The following RGS6 variants were observed in gnomAD, a reference collection of about 807,000 sequenced individuals.
The protein encoded by RGS6 is regulator of G-protein signaling 6.
RGS6 carries 30 observed loss-of-function variants against 78.5 expected under a neutral mutation model. The observed-to-expected ratio is 0.38, with a 90% CI of 0.29 to 0.52. The LOEUF is 0.52. Ranked by LOEUF, RGS6 falls within the 20% of genes least tolerant of loss-of-function variation. The probability of loss-of-function intolerance (pLI) is 0.85; values close to 1 mark genes in which losing one functional copy is unlikely to be tolerated. For synonymous variants in RGS6, 206 were observed against 206.0 expected, an observed-to-expected ratio of 1.00 and a Z score of 0.00; for missense variants, 495 against 609.7, an observed-to-expected ratio of 0.81 and a Z score of 1.98.
At chr14:71,874,547 G>C in the RGS6 span, among the ~76,000 whole-genome samples, 2 of 152,294 alleles carry the variant, frequency 1.3e-5, no homozygotes, top group South Asian at 4.1e-4. Flanking sequence ...TTTGGGCTGA[G>C]AAAATGGGAT....
In RGS6 at chr14:72,266,307, AG is replaced by A. The variant is rs544672092; in HGVS notation, c.85-85787del. On this transcript the variant is annotated intron_variant, in intron 2 of 17. Coordinates refer to ENST00000553525, the MANE Select transcript of RGS6 (RefSeq NM_001204424.2). ...CAAAGTAGTCAGACCTCTTTCAGGTAGCTGGCTTCCACAAGAGTGAGCATTT... is the reference window on the plus strand; with the variant it reads ...CAAAGTAGTCAGACCTCTTTCAGGTACTGGCTTCCACAAGAGTGAGCATTT... Among the ~76,000 whole-genome samples, 18 of 152,262 alleles carry A rather than the reference AG, an allele frequency of 1.2e-4. No homozygotes were observed. In the South Asian group the frequency reaches 3.5e-3, roughly 30 times the overall value.
chr14:72,357,092 G>C (rs1312201128), intron 3 of RGS6, among the ~76,000 whole-genome samples: 1 of 152,038 alleles, frequency 6.6e-6, no homozygotes, highest in African/African-American at 2.4e-5. Flanking sequence ...CCAACATGGT[G>C]AAGCCCTGTC....
At chr14:72,569,537 C>T (rs527915068), downstream of RGS6, among the ~76,000 whole-genome samples, 156 of 151,978 alleles carry the variant, frequency 1.0e-3, 1 homozygote, top group Middle Eastern at 3.2e-3. Flanking sequence ...AAAATTAGCT[C>T]GGCGTGGTGG....
the RGS6 span, among the ~76,000 whole-genome samples, chr14:72,572,934 G>A: frequency 4.0e-4 from 61 of 152,120 alleles, 1 homozygote; most frequent in African/African-American, 1.4e-3. Context: ...AAAAGAGAGG[G>A]AGGGAAGGAG....
At chr14:72,095,896 A>G (rs1156508771) in intron 2 of RGS6, among the ~76,000 whole-genome samples, 5 of 152,268 alleles carry the variant, frequency 3.3e-5, no homozygotes, top group Admixed American at 2.6e-4. Context: ...CATAAAAAGT[A>G]TCAGTGGGGA....
chr14:72,269,562 C>G (rs1049977505), intron 2 of RGS6, among the ~76,000 whole-genome samples: 6 of 122,612 alleles, frequency 4.9e-5, no homozygotes, highest in Non-Finnish European at 8.3e-5. Context: ...TGAAACCTAT[C>G]TTAAATTTTT....
At chr14:72,624,130 A>G in the RGS6 span, among the ~76,000 whole-genome samples, 3 of 152,218 alleles carry the variant, frequency 2.0e-5, no homozygotes, top group African/African-American at 7.2e-5. Flanking sequence ...ATCACACTAT[A>G]TTTTTATTTA....
intron 2 of RGS6, among the ~76,000 whole-genome samples, chr14:72,184,208 T>C (rs2097208839): frequency 6.6e-6 from 1 of 152,176 alleles, no homozygotes; most frequent in Admixed American, 6.5e-5. Context: ...CATTCATCTT[T>C]TTATCTTTTA....
At chr14:72,432,272 C>T (rs1279390762) in intron 3 of RGS6, among the ~76,000 whole-genome samples, 1 of 152,198 alleles carries the variant, frequency 6.6e-6, no homozygotes, top group Non-Finnish European at 1.5e-5. Context: ...GGGCGTGGCC[C>T]AGTTGCCTTG....
At chr14:72,112,039 G>A (rs1054354476) in intron 2 of RGS6, among the ~76,000 whole-genome samples, 1 of 152,170 alleles carries the variant, frequency 6.6e-6, no homozygotes, top group African/African-American at 2.4e-5. Context: ...AGAATCCATT[G>A]GCATGCGGAG....
chr14:72,574,938 T>C, the RGS6 span, among the ~76,000 whole-genome samples: 1 of 151,986 alleles, frequency 6.6e-6, no homozygotes, highest in African/African-American at 2.4e-5. Context: ...GAAAGATTTG[T>C]GTGATGCTAC....
chr14:72,319,823 T>A (rs2071407197), intron 2 of RGS6, among the ~76,000 whole-genome samples: 1 of 152,066 alleles, frequency 6.6e-6, no homozygotes, highest in Non-Finnish European at 1.5e-5. Flanking sequence ...ACGAGGAAGA[T>A]CCCAGAGATA....
chr14:72,582,042 C>A, the RGS6 span, among the ~76,000 whole-genome samples: 1 of 152,148 alleles, frequency 6.6e-6, no homozygotes, highest in African/African-American at 2.4e-5. Flanking sequence ...GGCTTTATAT[C>A]GACCTACTTT....
chr14:72,543,687 T>C (rs1052364218), intron 17 of RGS6, among the ~76,000 whole-genome samples: 2 of 152,192 alleles, frequency 1.3e-5, no homozygotes, highest in Non-Finnish European at 2.9e-5. Flanking sequence ...TTCCTGGTTT[T>C]GCAGTTGACA....
chr14:72,536,561 C>G (rs1304224983), intron 16 of RGS6, among the ~76,000 whole-genome samples: 1 of 152,040 alleles, frequency 6.6e-6, no homozygotes, highest in Non-Finnish European at 1.5e-5. Context: ...AAGACTAAGG[C>G]CACAGTGGCT....
At chr14:72,346,863 T>A (rs2078160742) in intron 2 of RGS6, among the ~76,000 whole-genome samples, 1 of 152,202 alleles carries the variant, frequency 6.6e-6, no homozygotes, top group Admixed American at 6.5e-5. Context: ...CTCTTGAGGC[T>A]ATTTCAGTGA....
intron 3 of RGS6, among the ~76,000 whole-genome samples, chr14:72,417,390 G>T (rs2093893291): frequency 1.3e-5 from 2 of 152,172 alleles, no homozygotes; most frequent in African/African-American, 4.8e-5. Flanking sequence ...ACAATTAAGT[G>T]CATTTGGGAG....
At chr14:72,490,561 T>G (rs1458658602) in intron 12 of RGS6, among the ~76,000 whole-genome samples, 2 of 152,222 alleles carry the variant, frequency 1.3e-5, no homozygotes, top group African/African-American at 4.8e-5. Context: ...GTCAAGATTC[T>G]TTGGAGATGC....
chr14:72,098,916 T>C (rs941799485), intron 2 of RGS6, among the ~76,000 whole-genome samples: 1 of 152,200 alleles, frequency 6.6e-6, no homozygotes, highest in Non-Finnish European at 1.5e-5. Flanking sequence ...CAAACAAACC[T>C]GGTATACAAA....
Sources: gnomAD v4.1 joint callset for allele counts (sites outside exome capture counted in the v4.1 genomes callset) on GRCh38, gnomAD v4.1.1 for gene constraint, MANE v1.5 for transcripts, NCBI Gene and HGNC (gene_info 2026-07-23, HGNC 2026-07-21) for gene names.